PTPRD: variants seen among roughly 807,000 people sequenced by gnomAD.
PTPRD encodes the protein receptor-type tyrosine-protein phosphatase delta.
PTPRD carries 34 observed loss-of-function variants against 214.5 expected under a neutral mutation model. That is an observed-to-expected ratio of 0.16 (90% CI 0.12 to 0.21). The LOEUF is 0.21. Among genes scored for constraint, PTPRD ranks in the 10% least tolerant of loss-of-function variants. The pLI is 1.00. For synonymous variants in PTPRD, 1,128 were observed against 845.7 expected (o/e 1.33, Z -5.79); for missense variants, 2,545 against 2,398.7 (o/e 1.06, Z -1.27).
chr9:10,566,895 T>C (rs1313203082), intron 2 of PTPRD, among the ~76,000 whole-genome samples: 1 of 152,104 alleles, frequency 6.6e-6, no homozygotes, highest in East Asian at 1.9e-4. Context: ...GAATAGTCTG[T>C]TTATCCAGCA....
intron 2 of PTPRD, among the ~76,000 whole-genome samples, chr9:10,531,523 C>A (rs971896620): frequency 3.3e-5 from 5 of 152,072 alleles, no homozygotes; most frequent in African/African-American, 1.2e-4. Context: ...ATAAATATGG[C>A]ACTTTACCTT....
intron 9 of PTPRD, among the ~76,000 whole-genome samples, chr9:9,201,669 G>A (rs904826468): frequency 1.3e-5 from 2 of 152,094 alleles, no homozygotes; most frequent in African/African-American, 4.8e-5. Context: ...ATTAACAAAT[G>A]TCTTACAATA....
rs1014125522 is a variant in PTPRD at position 10,097,319 on chromosome 9, T to C, written c.-544-63529A>G. 2.9e-4 allele frequency among the ~76,000 whole-genome samples: 35 copies of C among 120,928 alleles called. 2 individuals carry two copies. The highest frequency in any genetic ancestry group is 1.2e-3 in the African/African-American group (34 of 28,240). 79.3% of individuals were successfully genotyped at this position (120,928 alleles called of 152,430 possible). The stretch of plus-strand genomic sequence containing the variant: ...TGAGGATGGCATTGAATCTATAAAT[T>C]ACGTTGGGCAGTATGGCCATTTTCA... On this transcript the variant is annotated intron_variant, in intron 3 of 45. Transcript: ENST00000381196.
chr9:9,042,021 G>A (rs1030800050), intron 10 of PTPRD, among the ~76,000 whole-genome samples: 4 of 152,180 alleles, frequency 2.6e-5, no homozygotes, highest in South Asian at 2.1e-4. Flanking sequence ...TCTGGCTTGA[G>A]CATGAAAAGG....
chr9:10,373,690 T>C (rs1012676323), intron 2 of PTPRD, among the ~76,000 whole-genome samples: 1 of 152,118 alleles, frequency 6.6e-6, no homozygotes, highest in African/African-American at 2.4e-5. Flanking sequence ...TCACTCTTTC[T>C]CTTTCCAATA....
chr9:10,303,351 C>A (rs866649428), intron 3 of PTPRD, among the ~76,000 whole-genome samples: 1 of 151,852 alleles, frequency 6.6e-6, no homozygotes, highest in Non-Finnish European at 1.5e-5. Context: ...ATTAAAAGAA[C>A]GAGTGAAGCA....
intron 15 of PTPRD, 50 bp from the exon 16 acceptor site, chr9:8,527,403 T>C: frequency 6.4e-7 from 1 of 1,554,298 alleles, no homozygotes; most frequent in Non-Finnish European, 8.8e-7. Flanking sequence ...AATATTATTA[T>C]ATTCCTTATA....
chr9:9,298,640 G>C (rs1024179065), intron 9 of PTPRD, among the ~76,000 whole-genome samples: 6 of 151,736 alleles, frequency 4.0e-5, no homozygotes, highest in Non-Finnish European at 7.4e-5. Flanking sequence ...CAATAAAGAA[G>C]CTGAAGCAGG....
chr9:9,950,283 C>A (rs1329904276), intron 4 of PTPRD, among the ~76,000 whole-genome samples: 1 of 152,164 alleles, frequency 6.6e-6, no homozygotes, highest in African/African-American at 2.4e-5. Context: ...CTTGTTTAGA[C>A]AGCAATTATG....
chr9:8,785,905 G>C (rs1280639334), intron 11 of PTPRD, among the ~76,000 whole-genome samples: 8 of 152,198 alleles, frequency 5.3e-5, no homozygotes, highest in Non-Finnish European at 7.3e-5. Flanking sequence ...ATGGCTACTA[G>C]TAAGGAAACA....
intron 12 of PTPRD, among the ~76,000 whole-genome samples, chr9:8,687,983 T>C (rs116765330): frequency 2.0e-3 from 309 of 152,292 alleles, no homozygotes; most frequent in African/African-American, 7.1e-3. Context: ...TTTTTTGAAA[T>C]TCTGAATGCC....
intron 11 of PTPRD, among the ~76,000 whole-genome samples, chr9:8,880,864 A>C (rs1300757115): frequency 6.6e-6 from 1 of 152,148 alleles, no homozygotes; most frequent in Non-Finnish European, 1.5e-5. Flanking sequence ...GGCTCACAGC[A>C]GCCTCAACTT....
Position 9,839,085 on chromosome 9 carries a change from G to A in PTPRD, c.-367-72234C>T, listed in dbSNP as rs373563202. Among the ~76,000 whole-genome samples, 14 of 152,164 alleles carry A rather than the reference G, an allele frequency of 9.2e-5. No homozygotes were observed. In the South Asian group the frequency reaches 2.1e-3, roughly 23 times the overall value. On this transcript the variant is annotated intron_variant, in intron 5 of 45. Coordinates refer to ENST00000381196, the MANE Select transcript of PTPRD (RefSeq NM_002839.4). ...AAAGATCAGATAGTTGTAGATATGC[G>A]GCGTTATTTTTGAGGGCTCTGTGCT...
chr9:10,364,683 G>C (rs188094027), intron 2 of PTPRD, among the ~76,000 whole-genome samples: 29 of 152,234 alleles, frequency 1.9e-4, no homozygotes, highest in African/African-American at 7.0e-4. Flanking sequence ...TTAAGATATA[G>C]AACAATCAGG....
At chr9:10,210,796 C>CATATATATATATATATATAT (rs35136618) in intron 3 of PTPRD, among the ~76,000 whole-genome samples, 1 of 76,720 alleles carries the variant, frequency 1.3e-5, no homozygotes, top group Admixed American at 1.6e-4. Flanking sequence ...CAAAAAACTT[C>CATATATATATATATATATAT]ATATATATAT....
rs527496273 is a variant in PTPRD, at chr9:10,608,270, G to C, written c.-600+4128C>G. 3.6e-4 allele frequency among the ~76,000 whole-genome samples: 54 copies of C among 152,034 alleles called. 1 individual carries two copies. Among genetic ancestry groups the C allele is most frequent in the Admixed American group, 4.6e-4 (7 of 15,246 alleles). On this transcript the variant is annotated intron_variant, in intron 2 of 45. Coordinates refer to ENST00000381196, the MANE Select transcript of PTPRD (RefSeq NM_002839.4). Reference sequence around the variant, plus strand: ...ACTTATTTTCTTCTCATATCCTTCTGATATTGGGTACAGTAATAAAATCCA... The same window carrying C: ...ACTTATTTTCTTCTCATATCCTTCTCATATTGGGTACAGTAATAAAATCCA...
At chr9:10,599,105 C>A (rs561375789) in intron 2 of PTPRD, among the ~76,000 whole-genome samples, 1 of 151,688 alleles carries the variant, frequency 6.6e-6, no homozygotes, top group South Asian at 2.1e-4. Flanking sequence ...GAAATTGGAC[C>A]TATTTTCCTT....
At chr9:8,702,640 G>C (rs1487514699) in intron 12 of PTPRD, among the ~76,000 whole-genome samples, 4 of 152,210 alleles carry the variant, frequency 2.6e-5, no homozygotes. Flanking sequence ...TTTAGACAGA[G>C]TCTTGCTATG....
At chr9:9,589,742 C>T (rs965990774) in intron 7 of PTPRD, among the ~76,000 whole-genome samples, 19 of 152,040 alleles carry the variant, frequency 1.2e-4, no homozygotes, top group African/African-American at 4.1e-4. Flanking sequence ...TTAAATTATT[C>T]CATTGGGTAT....
Sources: gnomAD v4.1 joint callset for allele counts (sites outside exome capture counted in the v4.1 genomes callset) on GRCh38, gnomAD v4.1.1 for gene constraint, MANE v1.5 for transcripts, NCBI Gene and HGNC (gene_info 2026-07-23, HGNC 2026-07-21) for gene names.